Variants in SEC63 observed in about 807,000 individuals in gnomAD.
SEC63 encodes the protein SEC63 protein translocation regulator, also known as translocation protein SEC63 homolog.
Under a neutral mutation model 116.2 loss-of-function variants are expected in SEC63, and 56 were observed. That is an observed-to-expected ratio of 0.48 (90% confidence interval 0.39 to 0.60). The LOEUF is 0.60. Among genes scored for constraint, SEC63 ranks in the 20% least tolerant of loss-of-function variants. The pLI, the probability that SEC63 is intolerant of heterozygous loss-of-function variation, is 0.00. For missense variants in SEC63, 668 were observed against 900.0 expected (o/e 0.74, Z 3.30); for synonymous variants, 273 against 294.6 (o/e 0.93, Z 0.75).
chr6:107,942,714 G>A (rs1562339475), intron 1 of SEC63, among the ~76,000 whole-genome samples: 1 of 152,122 alleles, frequency 6.6e-6, no homozygotes, highest in African/African-American at 2.4e-5. Flanking sequence ...CCGTTGACTG[G>A]AAGCCTTATG....
intron 19 of SEC63, among the ~76,000 whole-genome samples, chr6:107,874,298 A>T (rs1350529053): frequency 6.6e-6 from 1 of 152,172 alleles, no homozygotes; most frequent in Non-Finnish European, 1.5e-5. Flanking sequence ...TGCAAAGATT[A>T]AAAAAGAACA....
intron 18 of SEC63, among the ~76,000 whole-genome samples, chr6:107,879,495 T>C (rs1197538684): frequency 6.6e-6 from 1 of 152,160 alleles, no homozygotes; most frequent in Non-Finnish European, 1.5e-5. Flanking sequence ...CCAGCCAATT[T>C]TGTATTTTTA....
At chr6:107,876,932 G>C in intron 18 of SEC63, 2 of 387,714 alleles carry the variant, frequency 5.2e-6, no homozygotes, top group South Asian at 6.2e-5. Context: ...TAAAAACCCT[G>C]ACTAACCTTA....
intron 4 of SEC63, among the ~76,000 whole-genome samples, chr6:107,915,310 C>T (rs763368402): frequency 1.3e-5 from 2 of 151,970 alleles, no homozygotes; most frequent in Non-Finnish European, 2.9e-5. Context: ...GGGAAAAATG[C>T]ACATTACAAA....
At chr6:107,946,253 A>G (rs986234138) in intron 1 of SEC63, among the ~76,000 whole-genome samples, 1 of 147,082 alleles carries the variant, frequency 6.8e-6, no homozygotes, top group Non-Finnish European at 1.5e-5. Context: ...ATTTTTTTAG[A>G]CAAGAGTCTC....
chr6:107,880,197 T>C (rs1039269397), intron 18 of SEC63, among the ~76,000 whole-genome samples: 1 of 152,242 alleles, frequency 6.6e-6, no homozygotes, highest in East Asian at 1.9e-4. Context: ...CAACAGTCTG[T>C]GCAGAGCCAC....
At chr6:107,956,338 G>A (rs1406792929) in intron 1 of SEC63, among the ~76,000 whole-genome samples, 1 of 152,132 alleles carries the variant, frequency 6.6e-6, no homozygotes, top group Non-Finnish European at 1.5e-5. Flanking sequence ...ACTGAAAAGT[G>A]TACCCTTTTA....
intron 18 of SEC63, chr6:107,877,413 G>T (rs1210109066): frequency 1.3e-5 from 2 of 152,098 alleles, no homozygotes; most frequent in African/African-American, 4.8e-5. Context: ...CTTACTGAAA[G>T]TTTCTTTGAG....
intron 1 of SEC63, chr6:107,956,145 G>A: frequency 5.3e-6 from 1 of 190,216 alleles, no homozygotes; most frequent in Non-Finnish European, 1.1e-5. Context: ...AAAATCCAAT[G>A]TAGATTAAAA....
At chr6:107,882,920 C>G in intron 17 of SEC63, 68 bp downstream of exon 17, 1 of 1,083,618 alleles carries the variant, frequency 9.2e-7, no homozygotes, top group African/African-American at 1.6e-5. Context: ...ACAACAACAA[C>G]AAAACCCAAA....
intron 14 of SEC63, among the ~76,000 whole-genome samples, chr6:107,896,253 C>A (rs1258439878): frequency 6.6e-6 from 1 of 152,168 alleles, no homozygotes; most frequent in Admixed American, 6.5e-5. Flanking sequence ...CACTTGAGGT[C>A]AGGATTTCAG....
Position 107,902,872 on chromosome 6 carries a change from T to C in SEC63, c.1181A>G (p.Asn394Ser). ...CTTATGATTAGAAACCCGTCTAAGA[T>C]TGTCCTCTTCAATATGAGGGAGCTG... The part of the protein sequence containing the change: ...LLQLPHIEED[N>S]LRRVSNHKKY... Residue 394 changes from asparagine (N) to serine (S), a missense_variant, in exon 12 of 21, where the codon AAT becomes AGT. This residue lies in a region of SEC63 where 430 missense variants were observed against 557.5 expected (regional missense o/e 0.77). Transcript: ENST00000369002. 6.2e-7 allele frequency: 1 copy of C among 1,614,034 alleles called. No individual in the cohort carries two copies. Among genetic ancestry groups the C allele is most frequent in the South Asian group, 1.1e-5 (1 of 91,078 alleles).
intron 17 of SEC63, among the ~76,000 whole-genome samples, chr6:107,882,047 T>G (rs988501564): frequency 1.3e-5 from 2 of 152,178 alleles, no homozygotes; most frequent in African/African-American, 4.8e-5. Context: ...ATTTGACAGA[T>G]TTTAGTTTCC....
chr6:107,945,405 C>T (rs1770461727), intron 1 of SEC63, among the ~76,000 whole-genome samples: 1 of 150,948 alleles, frequency 6.6e-6, no homozygotes, highest in African/African-American at 2.4e-5. Flanking sequence ...CTCCCGGGTT[C>T]AATCAATTCT....
chr6:107,918,691 CAAA>C (rs56764439), intron 4 of SEC63, among the ~76,000 whole-genome samples: 1 of 111,702 alleles, frequency 9.0e-6, no homozygotes, highest in Non-Finnish European at 1.9e-5. Flanking sequence ...GACTCCATCT[CAAA>C]AAAAAAAAAA....
At chr6:107,937,700 G>A (rs986442481) in intron 1 of SEC63, among the ~76,000 whole-genome samples, 2 of 152,024 alleles carry the variant, frequency 1.3e-5, no homozygotes, top group African/African-American at 2.4e-5. Context: ...AACCTCCCTA[G>A]CATCTGTTTT....
At chr6:107,919,525 T>C (rs993103035) in intron 4 of SEC63, among the ~76,000 whole-genome samples, 3 of 152,138 alleles carry the variant, frequency 2.0e-5, no homozygotes, top group Non-Finnish European at 2.9e-5. Context: ...TTGACTCCAA[T>C]TTTGAAAGAA....
At chr6:107,915,024 G>A (rs1787366735) in intron 4 of SEC63, among the ~76,000 whole-genome samples, 1 of 152,100 alleles carries the variant, frequency 6.6e-6, no homozygotes, top group East Asian at 1.9e-4. Context: ...AAATAAGTCA[G>A]CAACTTAAAG....
chr6:107,927,569 C>A (rs1279403299), intron 2 of SEC63, among the ~76,000 whole-genome samples: 1 of 152,118 alleles, frequency 6.6e-6, no homozygotes, highest in African/African-American at 2.4e-5. Flanking sequence ...TTAATCTGTA[C>A]TTTAATTAAA....
Sources: gnomAD v4.1 joint callset for allele counts (sites outside exome capture counted in the v4.1 genomes callset) on GRCh38, gnomAD v4.1.1 for gene constraint, gnomAD v4.1.1 regional missense constraint, MANE v1.5 for transcripts, NCBI Gene and HGNC (gene_info 2026-07-23, HGNC 2026-07-21) for gene names.